KDM4C: variants seen among roughly 807,000 people sequenced by gnomAD.
KDM4C encodes lysine demethylase 4C.
KDM4C carries 81 observed loss-of-function variants against 129.3 expected under a neutral mutation model. The ratio of observed to expected loss-of-function variants is 0.63; its 90% CI spans 0.52 to 0.75. The LOEUF is 0.75. Among genes scored for constraint, KDM4C ranks in the 30% least tolerant of loss-of-function variants. KDM4C has a pLI of 0.00. For missense variants in KDM4C, 1,457 were observed against 1,304.0 expected, an observed-to-expected ratio of 1.12 and a Z score of -1.81; for synonymous variants, 573 against 456.1, an observed-to-expected ratio of 1.26 and a Z score of -3.26.
chr9:6,936,086 A>G (rs1303018598), intron 8 of KDM4C, among the ~76,000 whole-genome samples: 2 of 152,230 alleles, frequency 1.3e-5, no homozygotes, highest in Non-Finnish European at 2.9e-5. Flanking sequence ...AATGGAAACT[A>G]GAATTATGTA....
intron 7 of KDM4C, among the ~76,000 whole-genome samples, chr9:6,889,652 C>T (rs118134733): frequency 0.039 from 6,013 of 152,270 alleles, 274 homozygotes; most frequent in East Asian, 0.22. Context: ...TAGTTGGCAT[C>T]AGCTTCATTA....
At chr9:6,736,296 A>G (rs1297362925) in intron 1 of KDM4C, among the ~76,000 whole-genome samples, 1 of 152,192 alleles carries the variant, frequency 6.6e-6, no homozygotes, top group East Asian at 1.9e-4. Flanking sequence ...AATTTGCATA[A>G]GTAATGAGGA....
At chr9:7,128,295 T>A in intron 19 of KDM4C, 59 bp downstream of exon 19, 1 of 1,318,728 alleles carries the variant, frequency 7.6e-7, no homozygotes, top group Non-Finnish European at 1.0e-6. Context: ...AAAACCAAAG[T>A]AACTGAGCCC....
Position 6,835,499 on chromosome 9 carries a change from C to G in KDM4C, c.436-14008C>G, listed in dbSNP as rs532910327. ...GGCGGCTCCATCCTGGCCTCGCTGT[C>G]CACCTTCCAGCAGATGTGGATCAGC... On this transcript the variant is annotated intron_variant, in intron 4 of 21. Coordinates refer to ENST00000381309, the MANE Select transcript of KDM4C (RefSeq NM_015061.6). The G allele has an allele frequency of 1.6e-4, 238 of 1,510,718 alleles. No homozygotes were observed. In the African/African-American group the frequency reaches 3.1e-3, roughly 20 times the overall value. 93.6% of individuals were successfully genotyped at this position (1,510,718 alleles called of 1,614,324 possible).
At chr9:7,082,609 G>C (rs547864245) in intron 17 of KDM4C, among the ~76,000 whole-genome samples, 6 of 152,246 alleles carry the variant, frequency 3.9e-5, no homozygotes, top group African/African-American at 1.2e-4. Context: ...TTTCCTGTGA[G>C]AGTCTTGCTT....
intron 8 of KDM4C, among the ~76,000 whole-genome samples, chr9:6,922,077 A>G (rs745319185): frequency 5.3e-5 from 8 of 152,260 alleles, no homozygotes; most frequent in Non-Finnish European, 7.3e-5. Flanking sequence ...GCCTAGCACC[A>G]TAACTTGTAC....
At chr9:6,731,766 A>G (rs1164850762) in intron 1 of KDM4C, among the ~76,000 whole-genome samples, 1 of 152,128 alleles carries the variant, frequency 6.6e-6, no homozygotes, top group African/African-American at 2.4e-5. Flanking sequence ...TGACAGTGTG[A>G]CCAGAACTTA....
intron 18 of KDM4C, among the ~76,000 whole-genome samples, chr9:7,107,678 A>G (rs891882045): frequency 1.3e-5 from 2 of 152,194 alleles, no homozygotes; most frequent in South Asian, 2.1e-4. Flanking sequence ...TTTAAGTTGT[A>G]TTCATAGCTT....
At chr9:6,825,343 T>G (rs1366514742) in intron 4 of KDM4C, among the ~76,000 whole-genome samples, 17 of 152,220 alleles carry the variant, frequency 1.1e-4, no homozygotes, top group Non-Finnish European at 2.1e-4. Flanking sequence ...GGTCTGCGTG[T>G]CTTCCTGTGG....
At chr9:6,873,865 G>A (rs746336896) in intron 5 of KDM4C, among the ~76,000 whole-genome samples, 1 of 152,016 alleles carries the variant, frequency 6.6e-6, no homozygotes, top group Non-Finnish European at 1.5e-5. Flanking sequence ...TTTAAAATGA[G>A]AGGCATGGAG....
At chr9:6,967,296 C>A (rs373490240) in intron 8 of KDM4C, among the ~76,000 whole-genome samples, 7 of 151,794 alleles carry the variant, frequency 4.6e-5, no homozygotes, top group East Asian at 3.9e-4. Context: ...TGGTGGCAGG[C>A]GCCTGTAATC....
chr9:6,823,341 G>A (rs1246636638), intron 4 of KDM4C, among the ~76,000 whole-genome samples: 1 of 152,186 alleles, frequency 6.6e-6, no homozygotes, highest in Non-Finnish European at 1.5e-5. Flanking sequence ...CTCACTGTCA[G>A]AGTACCCATG....
intron 1 of KDM4C, among the ~76,000 whole-genome samples, chr9:6,788,178 A>G (rs1356783016): frequency 6.6e-6 from 1 of 152,084 alleles, no homozygotes; most frequent in Non-Finnish European, 1.5e-5. Flanking sequence ...TTTGCAGTCT[A>G]TCCCCTTACC....
intron 2 of KDM4C, among the ~76,000 whole-genome samples, chr9:6,793,600 C>T (rs111628257): frequency 1.9e-3 from 291 of 149,564 alleles, no homozygotes; most frequent in African/African-American, 6.4e-3. Context: ...AGTGCAATGG[C>T]GTGATCTCGG....
chr9:6,942,877 A>G (rs7850286), intron 8 of KDM4C, among the ~76,000 whole-genome samples: 57,068 of 151,888 alleles, frequency 0.38, 11,471 homozygotes, highest in East Asian at 0.71. Context: ...ATTTATTATT[A>G]TTATTTTTTG....
In KDM4C at chr9:6,986,470, A is replaced by G. The variant is rs780187179; in HGVS notation, c.1481A>G (p.Tyr494Cys). The G allele has an allele frequency of 2.5e-6, 4 of 1,614,136 alleles. No homozygotes were observed. The South Asian group carries it at 3.3e-5, about 13-fold the overall frequency. Residue 494 changes from tyrosine (Y) to cysteine (C), a missense_variant, in exon 11 of 22, where the codon TAT becomes TGT. Physicochemically the swap from Tyr to Cys is radical, Grantham distance 194. Coordinates refer to ENST00000381309, the MANE Select transcript of KDM4C (RefSeq NM_015061.6). ...ADDSIPLSSG[Y>C]EKPEKSDPSE... ...GATTCCATTCCATTGTCTAGTGGCTATGAGAAGCCCGAGAAATCAGACCCA... is the reference window on the plus strand; with the variant it reads ...GATTCCATTCCATTGTCTAGTGGCTGTGAGAAGCCCGAGAAATCAGACCCA...
chr9:6,725,080 T>G (rs1430289054), intron 1 of KDM4C, among the ~76,000 whole-genome samples: 2 of 152,126 alleles, frequency 1.3e-5, no homozygotes, highest in African/African-American at 4.8e-5. Context: ...TCTCTTGCTT[T>G]CATCATCACA....
intron 15 of KDM4C, among the ~76,000 whole-genome samples, chr9:7,020,463 G>T (rs1359450138): frequency 6.6e-6 from 1 of 152,092 alleles, no homozygotes; most frequent in Non-Finnish European, 1.5e-5. Flanking sequence ...TTTCAGCTCT[G>T]TTTGATTGAA....
At chr9:6,728,465 C>T (rs184392980) in intron 1 of KDM4C, among the ~76,000 whole-genome samples, 61 of 152,100 alleles carry the variant, frequency 4.0e-4, no homozygotes, top group African/African-American at 1.4e-3. Context: ...ACTCAGGAGG[C>T]AGAGGTTTCA....
Sources: allele counts gnomAD v4.1 joint callset (sites outside exome capture counted in the v4.1 genomes callset), GRCh38; gene constraint gnomAD v4.1.1; transcripts MANE v1.5; gene names NCBI Gene and HGNC (gene_info 2026-07-23, HGNC 2026-07-21).